Variants in CACHD1 observed in about 807,000 individuals in gnomAD.
CACHD1 encodes cache domain containing 1.
Under a neutral mutation model 138.7 loss-of-function variants are expected in CACHD1, and 71 were observed. The ratio of observed to expected loss-of-function variants is 0.51; its 90% confidence interval spans 0.42 to 0.62. The LOEUF (loss-of-function observed/expected upper bound fraction) is 0.62, where lower values mean the gene tolerates loss of function less well. Ranked by LOEUF, CACHD1 falls within the 20% of genes least tolerant of loss-of-function variation. CACHD1 has a pLI of 0.00. For synonymous variants in CACHD1, 578 were observed against 591.5 expected (o/e 0.98, Z 0.33); for missense variants, 1,389 against 1,625.3 (o/e 0.85, Z 2.50).
At chr1:64,630,678 C>T (rs2100636912) in intron 5 of CACHD1, among the ~76,000 whole-genome samples, 1 of 152,232 alleles carries the variant, frequency 6.6e-6, no homozygotes, top group Non-Finnish European at 1.5e-5. Flanking sequence ...GGACCAGAAG[C>T]CATGATCATG....
At chr1:64,490,692 C>T (rs567554847) in intron 1 of CACHD1, among the ~76,000 whole-genome samples, 15 of 152,284 alleles carry the variant, frequency 9.9e-5, no homozygotes, top group South Asian at 2.1e-4. Flanking sequence ...ACAAAGGAGT[C>T]GTGCAAAGGC....
chr1:64,588,979 T>C (rs1647075635), intron 3 of CACHD1, among the ~76,000 whole-genome samples: 2 of 152,220 alleles, frequency 1.3e-5, no homozygotes, highest in East Asian at 1.9e-4. Context: ...TCTGGCTTGA[T>C]GAGCAAATGG....
At chr1:64,486,377 CACACACACACACACATACACAT>C (rs1217122131) in intron 1 of CACHD1, among the ~76,000 whole-genome samples, 12 of 150,882 alleles carry the variant, frequency 8.0e-5, no homozygotes, top group Non-Finnish European at 1.2e-4. Flanking sequence ...CATACACACA[CACACACACACACACATACACAT>C]ACACACACAC....
intron 3 of CACHD1, among the ~76,000 whole-genome samples, chr1:64,590,135 G>T (rs114799873): frequency 5.3e-5 from 8 of 151,870 alleles, no homozygotes; most frequent in Non-Finnish European, 1.2e-4. Flanking sequence ...GTAAAAACCC[G>T]TCTCTACTAA....
intron 4 of CACHD1, among the ~76,000 whole-genome samples, chr1:64,619,720 A>G (rs1326196738): frequency 6.6e-6 from 1 of 152,100 alleles, no homozygotes; most frequent in Non-Finnish European, 1.5e-5. Context: ...TCTAGACCCA[A>G]AAGCAGAGGG....
intron 1 of CACHD1, among the ~76,000 whole-genome samples, chr1:64,472,260 G>A (rs934450018): frequency 6.7e-6 from 1 of 150,156 alleles, no homozygotes; most frequent in Admixed American, 6.7e-5. Flanking sequence ...CCTCCTTCTC[G>A]TTCTTCTCCT....
At chr1:64,678,339 G>C (rs918895173) in intron 23 of CACHD1, 29 bp downstream of exon 23, 20 of 1,525,792 alleles carry the variant, frequency 1.3e-5, no homozygotes, top group Non-Finnish European at 1.7e-5. Context: ...CCAACAATTT[G>C]ATTCTTGAAT....
At chr1:64,625,975 T>C (rs537061915) in intron 4 of CACHD1, among the ~76,000 whole-genome samples, 22 of 152,192 alleles carry the variant, frequency 1.4e-4, no homozygotes, top group African/African-American at 5.3e-4. Flanking sequence ...TAGAGTCGAG[T>C]CTCCATTATG....
intron 2 of CACHD1, among the ~76,000 whole-genome samples, chr1:64,560,986 A>G (rs1646834385): frequency 6.6e-6 from 1 of 151,854 alleles, no homozygotes; most frequent in Non-Finnish European, 1.5e-5. Context: ...TGATATAGCA[A>G]CTCCATCCTT....
intron 1 of CACHD1, among the ~76,000 whole-genome samples, chr1:64,544,284 GTATT>G (rs1190180049): frequency 6.6e-6 from 1 of 152,090 alleles, no homozygotes; most frequent in Non-Finnish European, 1.5e-5. Context: ...GCTTGCAAAG[GTATT>G]TATTTCTTTG....
chr1:64,654,024 G>A (rs543961490), intron 11 of CACHD1, 143 bp downstream of exon 11: 55 of 714,718 alleles, frequency 7.7e-5, no homozygotes, highest in East Asian at 1.2e-4. Context: ...TAATGTTTCC[G>A]TAAGAATAGC....
intron 19 of CACHD1, 29 bp downstream of exon 19, chr1:64,673,493 C>A: frequency 2.0e-6 from 3 of 1,497,698 alleles, no homozygotes; most frequent in South Asian, 1.1e-5. Flanking sequence ...TTAACACTCT[C>A]ATTTTTCCAT....
intron 1 of CACHD1, among the ~76,000 whole-genome samples, chr1:64,547,525 C>A (rs1646726959): frequency 6.6e-6 from 1 of 152,122 alleles, no homozygotes. Context: ...ACCACCATGC[C>A]TGGCTAATTT....
In CACHD1 at chr1:64,574,081, C is replaced by T. The variant is rs557159440; in HGVS notation, c.262-8075C>T. On this transcript the variant is annotated intron_variant, in intron 2 of 26. Coordinates refer to ENST00000651257, the MANE Select transcript of CACHD1 (RefSeq NM_020925.4). The stretch of plus-strand genomic sequence containing the variant: ...AAAGAGGTTGAAATTGGGCTGGAAC[C>T]AGAAGGAATGAGTAGAATTTAGATA... Among the ~76,000 whole-genome samples, 20 of 152,228 alleles carry T rather than the reference C, an allele frequency of 1.3e-4. No individual in the cohort carries two copies. The South Asian group carries it at 3.9e-3, about 30-fold the overall frequency.
Position 64,483,454 on chromosome 1 carries a change from A to G in CACHD1, c.198+12512A>G, listed in dbSNP as rs1236046607. Among the ~76,000 whole-genome samples the G allele has an allele frequency of 8.5e-5, 13 of 152,230 alleles. No homozygotes were observed. The South Asian group carries it at 1.5e-3, about 17-fold the overall frequency. Reference sequence around the variant, plus strand: ...ACTCTTATGAAATATGCAGCCTGCTAGGGGAAATAGACATTAAACAAATAA... The same window carrying G: ...ACTCTTATGAAATATGCAGCCTGCTGGGGGAAATAGACATTAAACAAATAA... On this transcript the variant is annotated intron_variant, in intron 1 of 26. Coordinates refer to ENST00000651257, the MANE Select transcript of CACHD1 (RefSeq NM_020925.4).
chr1:64,577,039 G>C (rs1294155211), intron 2 of CACHD1, among the ~76,000 whole-genome samples: 1 of 152,038 alleles, frequency 6.6e-6, no homozygotes, highest in Non-Finnish European at 1.5e-5. Flanking sequence ...AACATCCTGG[G>C]CTCAGGTGAT....
At chr1:64,568,820 A>G (rs1646903660) in intron 2 of CACHD1, among the ~76,000 whole-genome samples, 1 of 152,214 alleles carries the variant, frequency 6.6e-6, no homozygotes, top group Non-Finnish European at 1.5e-5. Context: ...GTATTGTATT[A>G]ACCATGTACA....
chr1:64,678,408 T>C, intron 23 of CACHD1, 98 bp downstream of exon 23: 1 of 1,231,026 alleles, frequency 8.1e-7, no homozygotes, highest in Non-Finnish European at 1.1e-6. Context: ...CCAACTTCCC[T>C]GATTCCTTTG....
At chr1:64,635,396 T>G (rs1401995080) in intron 7 of CACHD1, among the ~76,000 whole-genome samples, 1 of 149,958 alleles carries the variant, frequency 6.7e-6, no homozygotes, top group Non-Finnish European at 1.5e-5. Context: ...TTTTTTTTTT[T>G]TTTTGGAGAC....
Sources: allele counts gnomAD v4.1 joint callset (sites outside exome capture counted in the v4.1 genomes callset), GRCh38; gene constraint gnomAD v4.1.1; transcripts MANE v1.5; gene names NCBI Gene and HGNC (gene_info 2026-07-23, HGNC 2026-07-21).